The following FHIT variants were observed in gnomAD, a reference collection of about 807,000 sequenced individuals.
FHIT encodes bis(5'-adenosyl)-triphosphatase.
A neutral mutation model predicts 17.9 loss-of-function variants in FHIT; 19 were observed. The observed-to-expected ratio is 1.06, with a 90% CI of 0.74 to 1.56. The LOEUF is 1.56. Ranked by LOEUF, FHIT falls within the 40% of genes most tolerant of loss-of-function variation. The pLI, the probability that FHIT is intolerant of heterozygous loss-of-function variation, is 0.00. For missense variants in FHIT, 248 were observed against 189.2 expected, an observed-to-expected ratio of 1.31 and a Z score of -1.82; for synonymous variants, 81 against 69.7, an observed-to-expected ratio of 1.16 and a Z score of -0.81.
intron 3 of FHIT, among the ~76,000 whole-genome samples, chr3:60,870,596 G>A (rs1039648009): frequency 6.6e-6 from 1 of 152,130 alleles, no homozygotes; most frequent in East Asian, 1.9e-4. Flanking sequence ...CAGTCATATT[G>A]TATGTTGTGT....
intron 5 of FHIT, among the ~76,000 whole-genome samples, chr3:60,310,326 C>T (rs1708882585): frequency 6.6e-6 from 1 of 152,202 alleles, no homozygotes; most frequent in South Asian, 2.1e-4. Context: ...GGGAATGGTG[C>T]TCTCTTAAAG....
intron 5 of FHIT, among the ~76,000 whole-genome samples, chr3:60,329,093 C>T (rs1248818196): frequency 6.6e-6 from 1 of 152,166 alleles, no homozygotes; most frequent in Non-Finnish European, 1.5e-5. Context: ...TAGTTAACTG[C>T]CATCTCAAGG....
chr3:60,293,775 G>A (rs1708089132), intron 5 of FHIT, among the ~76,000 whole-genome samples: 1 of 152,024 alleles, frequency 6.6e-6, no homozygotes, highest in Non-Finnish European at 1.5e-5. Flanking sequence ...CAAATTTAAG[G>A]GCTCACAAAA....
intron 3 of FHIT, among the ~76,000 whole-genome samples, chr3:61,028,968 G>A (rs1056566170): frequency 2.6e-5 from 4 of 151,960 alleles, no homozygotes; most frequent in Non-Finnish European, 4.4e-5. Context: ...AATATTCCTG[G>A]AGGTCTAGGT....
intron 5 of FHIT, among the ~76,000 whole-genome samples, chr3:60,390,048 T>C (rs977736139): frequency 1.4e-4 from 22 of 152,168 alleles, no homozygotes; most frequent in African/African-American, 5.1e-4. Flanking sequence ...GTTGCAAAAC[T>C]GTTGTTGATG....
Position 60,147,047 on chromosome 3 carries a change from G to GA in FHIT, c.104-132896dup, listed in dbSNP as rs375398509. 1.2e-3 allele frequency among the ~76,000 whole-genome samples: 185 copies of GA among 152,230 alleles called. 1 individual carries two copies. The highest frequency in any genetic ancestry group is 4.3e-3 in the African/African-American group (178 of 41,552). On this transcript the variant is annotated intron_variant, in intron 5 of 9. Transcript: ENST00000492590. ...CCTTTATTTTCCTTTCACTGAGGAA[G>GA]AAAAATAAAGGAGCGGAACTGGTAA...
intron 3 of FHIT, among the ~76,000 whole-genome samples, chr3:60,960,550 T>C (rs1291777924): frequency 6.6e-6 from 1 of 152,200 alleles, no homozygotes; most frequent in Non-Finnish European, 1.5e-5. Flanking sequence ...TTAGGTATAT[T>C]TCCTAATGCT....
At chr3:60,472,499 G>C (rs2033139639) in intron 5 of FHIT, among the ~76,000 whole-genome samples, 1 of 151,662 alleles carries the variant, frequency 6.6e-6, no homozygotes, top group Non-Finnish European at 1.5e-5. Flanking sequence ...CTACCGAGTA[G>C]CTGGGACTAC....
intron 7 of FHIT, among the ~76,000 whole-genome samples, chr3:59,972,470 T>C (rs1346724525): frequency 6.6e-6 from 1 of 152,116 alleles, no homozygotes; most frequent in Non-Finnish European, 1.5e-5. Flanking sequence ...AGTAGCTCTA[T>C]GGGTCAGGGT....
At chr3:61,182,728 G>GT (rs1336277687) in intron 2 of FHIT, among the ~76,000 whole-genome samples, 4 of 152,082 alleles carry the variant, frequency 2.6e-5, no homozygotes, top group Non-Finnish European at 5.9e-5. Flanking sequence ...GAACCTGAAG[G>GT]AGCATGTATT....
At chr3:60,536,720 G>A (rs1448713192) in intron 5 of FHIT, 140 bp downstream of exon 5, 5 of 800,476 alleles carry the variant, frequency 6.2e-6, no homozygotes, top group Non-Finnish European at 7.3e-6. Context: ...CTTACCTGGT[G>A]TCTCCGAAGT....
At chr3:61,042,884 C>T (rs560426821) in intron 2 of FHIT, among the ~76,000 whole-genome samples, 24 of 151,656 alleles carry the variant, frequency 1.6e-4, no homozygotes, top group Non-Finnish European at 1.3e-4. Flanking sequence ...AGTAAGGATA[C>T]CTGGAGTTCC....
At chr3:59,966,901 T>A (rs1350362421) in intron 7 of FHIT, among the ~76,000 whole-genome samples, 1 of 152,198 alleles carries the variant, frequency 6.6e-6, no homozygotes, top group East Asian at 1.9e-4. Flanking sequence ...ACTTTTTAAC[T>A]TTATCAACTT....
At chr3:61,036,901 G>GC (rs2033268054) in intron 3 of FHIT, among the ~76,000 whole-genome samples, 1 of 70,310 alleles carries the variant, frequency 1.4e-5, no homozygotes, top group African/African-American at 3.2e-5. Flanking sequence ...AGTCTGCTTT[G>GC]TTTTTTTTTT....
At chr3:60,028,950 C>A (rs955519910) in intron 5 of FHIT, among the ~76,000 whole-genome samples, 2 of 152,178 alleles carry the variant, frequency 1.3e-5, no homozygotes, top group Non-Finnish European at 2.9e-5. Context: ...TTATGACAAT[C>A]AGCCAAAGCA....
At chr3:60,170,893 A>G (rs1274322970) in intron 5 of FHIT, among the ~76,000 whole-genome samples, 2 of 152,054 alleles carry the variant, frequency 1.3e-5, no homozygotes, top group Non-Finnish European at 2.9e-5. Flanking sequence ...ATATTGAGCA[A>G]CTCTCCTAAG....
At chr3:61,045,522 T>G (rs942734618) in intron 2 of FHIT, among the ~76,000 whole-genome samples, 7 of 151,984 alleles carry the variant, frequency 4.6e-5, no homozygotes, top group Admixed American at 3.3e-4. Flanking sequence ...AGACTTAGAC[T>G]CCCACACAAT....
At chr3:60,300,284 G>C (rs1708398944) in intron 5 of FHIT, among the ~76,000 whole-genome samples, 1 of 151,962 alleles carries the variant, frequency 6.6e-6, no homozygotes, top group Non-Finnish European at 1.5e-5. Flanking sequence ...TCTTTCTCTT[G>C]ACTGTTATCA....
At chr3:60,102,810 T>A (rs1704248180) in intron 5 of FHIT, among the ~76,000 whole-genome samples, 1 of 152,082 alleles carries the variant, frequency 6.6e-6, no homozygotes, top group Admixed American at 6.5e-5. Context: ...GCAGGATAAT[T>A]TTCAAAATAA....
Sources: allele counts gnomAD v4.1 joint callset (sites outside exome capture counted in the v4.1 genomes callset), GRCh38; gene constraint gnomAD v4.1.1; transcripts MANE v1.5; gene names NCBI Gene and HGNC (gene_info 2026-07-23, HGNC 2026-07-21).